DDX31: variants seen among roughly 807,000 people sequenced by gnomAD.
The protein encoded by DDX31 is ATP-dependent DNA helicase DDX31.
DDX31 carries 70 observed loss-of-function variants against 91.3 expected under a neutral mutation model. The ratio of observed to expected loss-of-function variants is 0.77; its 90% CI spans 0.63 to 0.94. The LOEUF (loss-of-function observed/expected upper bound fraction) is 0.94, where lower values mean the gene tolerates loss of function less well. Ranked by LOEUF, DDX31 falls within the 40% of genes least tolerant of loss-of-function variation. The probability of loss-of-function intolerance (pLI) is 0.00; values close to 1 mark genes in which losing one functional copy is unlikely to be tolerated. For synonymous variants in DDX31, 362 were observed against 350.6 expected (o/e 1.03, Z -0.36); for missense variants, 902 against 925.0 (o/e 0.98, Z 0.32).
At chr9:132,666,042 T>G (rs1210820093) in intron 1 of DDX31, among the ~76,000 whole-genome samples, 1 of 152,250 alleles carries the variant, frequency 6.6e-6, no homozygotes, top group Non-Finnish European at 1.5e-5. Context: ...CATTATAGTT[T>G]TGCCTTGTAT....
chr9:132,614,969 T>C (rs12682765), intron 18 of DDX31, among the ~76,000 whole-genome samples: 33,747 of 152,126 alleles, frequency 0.22, 3,978 homozygotes, highest in East Asian at 0.42. Context: ...AGTAGCTGTC[T>C]GCAGAACCTT....
Position 132,612,193 on chromosome 9 carries a change from C to A in DDX31, c.1888G>T (p.Val630Phe), listed in dbSNP as rs767606249. ...ACATGCCCAAGGTGGAGGGATCGGACGTGGAAGATGTGCTTCAGCTCCCTG... is the reference window on the plus strand; with the variant it reads ...ACATGCCCAAGGTGGAGGGATCGGAAGTGGAAGATGTGCTTCAGCTCCCTG... The part of the protein sequence containing the change: ...YPRELKHIFH[V>F]RSLHLGHVAK... Residue 630 changes from valine to phenylalanine, a missense_variant, in exon 19 of 20, where the codon GTC (valine) becomes TTC (phenylalanine). Transcript: ENST00000372159. 2 of 1,614,010 alleles carry A rather than the reference C, an allele frequency of 1.2e-6. No individual in the cohort carries two copies. The highest frequency in any genetic ancestry group is 1.7e-6 in the Non-Finnish European group (2 of 1,180,032).
intron 9 of DDX31, among the ~76,000 whole-genome samples, chr9:132,649,857 A>G (rs1454043781): frequency 1.3e-5 from 2 of 152,268 alleles, no homozygotes; most frequent in Non-Finnish European, 2.9e-5. Flanking sequence ...AAAGCATTAT[A>G]TAAGTGAATG....
intron 11 of DDX31, 50 bp downstream of exon 11, chr9:132,648,139 T>A: frequency 6.1e-6 from 9 of 1,484,978 alleles, no homozygotes; most frequent in Non-Finnish European, 8.3e-6. Flanking sequence ...ATCTAGGTCC[T>A]TCCTCTTCAT....
rs117293297 is a variant in DDX31, at chr9:132,655,378, G to A, written c.589-2886C>T. ...ATCAAAGAAACCAAAGCAAGGCACA[G>A]AACATCCTGCATAACAAAGCAACCA... On this transcript the variant is annotated intron_variant, in intron 6 of 19. Coordinates refer to ENST00000372159, the MANE Select transcript of DDX31 (RefSeq NM_022779.9). Among the ~76,000 whole-genome samples the A allele has an allele frequency of 5.5e-3, 838 of 152,244 alleles. 1 individual carries two copies. The highest frequency in any genetic ancestry group is 9.2e-3 in the Non-Finnish European group (626 of 68,022).
In DDX31 at chr9:132,653,494, C is replaced by CAAA. The variant is rs71376648; in HGVS notation, c.589-1005_589-1003dup. ...GGGCAACAAGTGAAAAACTCAGTCTCAAAAAAAAAAAAAAAAAAAAAAAAA... is the reference window on the plus strand; with the variant it reads ...GGGCAACAAGTGAAAAACTCAGTCTCAAAAAAAAAAAAAAAAAAAAAAAAAAAA... On this transcript the variant is annotated intron_variant, in intron 6 of 19. Transcript: ENST00000372159. 2.1e-3 allele frequency among the ~76,000 whole-genome samples: 43 copies of CAAA among 20,586 alleles called. 1 individual carries two copies. Among genetic ancestry groups the CAAA allele is most frequent in the South Asian group, 4.9e-3 (2 of 412 alleles). 13.5% of individuals were successfully genotyped at this position (20,586 alleles called of 152,430 possible).
rs1834739747 is a variant in DDX31 at position 132,658,683 on chromosome 9, C to T, written c.576G>A (p.Glu192=). 6.2e-7 allele frequency: 1 copy of T among 1,613,748 alleles called. No individual in the cohort carries two copies. ...ATTTGATACACACCTGTATTTTTGA[C>T]TCCATTGCTTGAAGGGACTGGACCA... is the stretch of plus-strand genomic sequence containing the variant. ...IPVVQSLQAM[E]SKIQRSDGPY... The change falls in exon 6 of 20, where the codon GAG becomes GAA. Residue 192 remains glutamate, a synonymous_variant. Transcript: ENST00000372159.
In DDX31 at chr9:132,648,181, C is replaced by T. The variant is rs749357768; in HGVS notation, c.967+8G>A. The T allele has an allele frequency of 1.2e-6, 2 of 1,605,508 alleles. No homozygotes were observed. The highest frequency in any genetic ancestry group is 1.7e-6 in the Non-Finnish European group (2 of 1,175,770). ...CAAAGAAGGACCCATCACTTCTTTTCAACTCACCTTCTGTGAGTGTCGCTG... is the reference window on the plus strand; with the variant it reads ...CAAAGAAGGACCCATCACTTCTTTTTAACTCACCTTCTGTGAGTGTCGCTG... On this transcript the variant is annotated splice_region_variant and intron_variant, in intron 11 of 19. Coordinates refer to ENST00000372159, the MANE Select transcript of DDX31 (RefSeq NM_022779.9).
chr9:132,601,523 C>T (rs1009928346), intron 19 of DDX31, among the ~76,000 whole-genome samples: 20 of 152,192 alleles, frequency 1.3e-4, no homozygotes, highest in Non-Finnish European at 2.6e-4. Flanking sequence ...CAGTGCCTGG[C>T]CACTGCTGAG....
At chr9:132,651,267 T>C (rs1466682093) in intron 7 of DDX31, 151 bp from the exon 8 acceptor site, 1 of 642,364 alleles carries the variant, frequency 1.6e-6, no homozygotes, top group African/African-American at 1.8e-5. Flanking sequence ...ATATACCTTG[T>C]TCTTAGACTG....
intron 1 of DDX31, among the ~76,000 whole-genome samples, chr9:132,665,949 CAAT>C (rs1835280427): frequency 3.3e-5 from 5 of 152,244 alleles, no homozygotes; most frequent in Admixed American, 3.3e-4. Flanking sequence ...GGCCTCACAA[CAAT>C]ACTATAATCC....
chr9:132,652,391 A>G (rs1590080631), intron 7 of DDX31, 57 bp downstream of exon 7: 1 of 1,607,476 alleles, frequency 6.2e-7, no homozygotes, highest in South Asian at 1.1e-5. Flanking sequence ...TTTAAATTCA[A>G]CGGGACATTA....
At chr9:132,646,157 T>C in intron 12 of DDX31, 86 bp from the exon 13 acceptor site, 20 of 1,358,262 alleles carry the variant, frequency 1.5e-5, no homozygotes, top group African/African-American at 2.9e-5. Flanking sequence ...TATACAGTCA[T>C]GCTGACCCCC....
At chr9:132,633,932 G>T (rs1342611101) in intron 14 of DDX31, among the ~76,000 whole-genome samples, 3 of 152,178 alleles carry the variant, frequency 2.0e-5, no homozygotes, top group Non-Finnish European at 2.9e-5. Context: ...TAGTTTACAG[G>T]AAGTATGGGA....
chr9:132,633,754 T>C (rs1279039020), intron 14 of DDX31, among the ~76,000 whole-genome samples: 3 of 152,196 alleles, frequency 2.0e-5, no homozygotes. Context: ...CTTCCTTTAA[T>C]GAACTTTGAT....
At position 132,651,109 on chromosome 9, in the gene DDX31, A is replaced by G; in HGVS notation, c.641T>C (p.Leu214Pro). Reference protein sequence around the residue: ...LVLVPTRELALQSFDTVQKLL... With the variant: ...LVLVPTRELAPQSFDTVQKLL... ...TTTCTGGACAGTGTCAAAGCTTTGT[A>G]GAGCTAGCTGTAAAAATTTTAAAAG... The change falls in exon 8 of 20, where the codon CTA becomes CCA. Residue 214 changes from leucine to proline, a missense_variant. Coordinates refer to ENST00000372159, the MANE Select transcript of DDX31 (RefSeq NM_022779.9). 2 of 1,609,840 alleles carry G rather than the reference A, an allele frequency of 1.2e-6. No homozygotes were observed. Among genetic ancestry groups the G allele is most frequent in the Non-Finnish European group, 1.7e-6 (2 of 1,178,362 alleles).
chr9:132,604,030 C>A (rs1457580929), intron 19 of DDX31, among the ~76,000 whole-genome samples: 1 of 152,138 alleles, frequency 6.6e-6, no homozygotes, highest in South Asian at 2.1e-4. Context: ...TGTAATTAAA[C>A]CAGAGCCCGA....
intron 1 of DDX31, among the ~76,000 whole-genome samples, chr9:132,668,472 G>T (rs1385207791): frequency 6.6e-6 from 1 of 152,076 alleles, no homozygotes; most frequent in Non-Finnish European, 1.5e-5. Flanking sequence ...AAAAATATCT[G>T]AAGAGACTTA....
rs985528588 is a variant in DDX31 at position 132,594,575 on chromosome 9, C to A, written c.*291G>T. 9.7e-6 allele frequency: 3 copies of A among 310,302 alleles called. No individual in the cohort carries two copies. Among genetic ancestry groups the A allele is most frequent in the Non-Finnish European group, 1.8e-5 (3 of 170,096 alleles). The allele number at this position is 310,302 out of a possible 1,614,324, so 19.2% of individuals were successfully genotyped here. On this transcript the variant is annotated 3_prime_UTR_variant, in exon 20 of 20. Coordinates refer to ENST00000372159, the MANE Select transcript of DDX31 (RefSeq NM_022779.9). ...ACATCCCGGGGTGCCAGCTCAACCC[C>A]GGCACGTCAGCACCTGGGTGAAGGG...
Sources: gnomAD v4.1 joint callset for allele counts (sites outside exome capture counted in the v4.1 genomes callset) on GRCh38, gnomAD v4.1.1 for gene constraint, MANE v1.5 for transcripts, NCBI Gene and HGNC (gene_info 2026-07-23, HGNC 2026-07-21) for gene names.